Variants in CSTPP1 observed in about 807,000 individuals in gnomAD.
CSTPP1 encodes the protein centriolar satellite-associated tubulin polyglutamylase complex regulator 1, also known as UPF0705 protein C11orf49.
At chr11:47,150,771 G>C in the CSTPP1 span, among the ~76,000 whole-genome samples, 1 of 151,826 alleles carries the variant, frequency 6.6e-6, no homozygotes, top group Admixed American at 6.6e-5. Context: ...AAGGACTAGT[G>C]TGGCCAGAAT....
the CSTPP1 span, chr11:46,991,601 C>T: frequency 6.6e-6 from 1 of 152,176 alleles, no homozygotes; most frequent in Non-Finnish European, 1.5e-5. Context: ...TAATCTGTAC[C>T]AGCACTCTTG....
the CSTPP1 span, among the ~76,000 whole-genome samples, chr11:46,962,592 C>T: frequency 6.6e-6 from 1 of 152,084 alleles, no homozygotes; most frequent in African/African-American, 2.4e-5. Context: ...ATTATTTAGG[C>T]CTTTAATTTC....
chr11:47,053,839 G>A, the CSTPP1 span, among the ~76,000 whole-genome samples: 3 of 152,152 alleles, frequency 2.0e-5, no homozygotes, highest in South Asian at 6.2e-4. Flanking sequence ...AGCTACTTGG[G>A]AGGCTGAGGT....
the CSTPP1 span, among the ~76,000 whole-genome samples, chr11:47,034,040 G>A: frequency 1.6e-4 from 25 of 151,988 alleles, no homozygotes; most frequent in African/African-American, 4.6e-4. Context: ...CATGGCACAT[G>A]TATAGATATG....
At chr11:47,041,654 A>G in the CSTPP1 span, 4 of 436,178 alleles carry the variant, frequency 9.2e-6, 2 homozygotes, top group Non-Finnish European at 1.9e-5. Flanking sequence ...TTCTCAAAGA[A>G]CTCACTGGGC....
chr11:47,027,736 A>G, the CSTPP1 span, among the ~76,000 whole-genome samples: 2 of 152,156 alleles, frequency 1.3e-5, no homozygotes, highest in African/African-American at 2.4e-5. Flanking sequence ...GTTCTCACAG[A>G]TGGGTTCACC....
At chr11:47,135,998 A>AT in the CSTPP1 span, among the ~76,000 whole-genome samples, 1 of 143,726 alleles carries the variant, frequency 7.0e-6, no homozygotes, top group Non-Finnish European at 1.5e-5. Flanking sequence ...TCTCTCTCTC[A>AT]TTTTTTCATT....
the CSTPP1 span, among the ~76,000 whole-genome samples, chr11:47,152,087 T>C: frequency 6.6e-6 from 1 of 151,894 alleles, no homozygotes. Flanking sequence ...CTGTCTCTAC[T>C]AAAAATACAA....
chr11:47,031,567 G>A, the CSTPP1 span, among the ~76,000 whole-genome samples: 14 of 152,020 alleles, frequency 9.2e-5, no homozygotes, highest in East Asian at 1.9e-4. Flanking sequence ...GCATGGTAGC[G>A]CATGTCTGAG....
chr11:47,110,354 C>A, the CSTPP1 span, among the ~76,000 whole-genome samples: 3 of 152,074 alleles, frequency 2.0e-5, no homozygotes, highest in Non-Finnish European at 2.9e-5. Context: ...AAGCAAATAT[C>A]CATGGTTACT....
chr11:47,082,591 G>A, the CSTPP1 span, among the ~76,000 whole-genome samples: 7 of 152,118 alleles, frequency 4.6e-5, no homozygotes, highest in Non-Finnish European at 7.3e-5. Context: ...CCTATTTAAA[G>A]TGTACAATTC....
chr11:47,086,639 TCTTTTA>T, the CSTPP1 span, among the ~76,000 whole-genome samples: 1 of 152,188 alleles, frequency 6.6e-6, no homozygotes, highest in African/African-American at 2.4e-5. Flanking sequence ...CAACCCTGGC[TCTTTTA>T]CTTCTTAGTA....
At chr11:46,985,571 G>T in the CSTPP1 span, among the ~76,000 whole-genome samples, 1 of 152,132 alleles carries the variant, frequency 6.6e-6, no homozygotes, top group Non-Finnish European at 1.5e-5. Context: ...TGTAAAGTTT[G>T]TCAGGAAACC....
At chr11:46,942,986 G>T in the CSTPP1 span, among the ~76,000 whole-genome samples, 1 of 152,158 alleles carries the variant, frequency 6.6e-6, no homozygotes, top group Non-Finnish European at 1.5e-5. Context: ...CCTTATTAAG[G>T]ATGAGGCTCT....
chr11:46,998,941 C>T, the CSTPP1 span, among the ~76,000 whole-genome samples: 2 of 151,968 alleles, frequency 1.3e-5, no homozygotes, highest in Admixed American at 6.6e-5. Flanking sequence ...GGGGCTTCAC[C>T]GTGTTAGCCA....
At chr11:47,063,046 T>C in the CSTPP1 span, among the ~76,000 whole-genome samples, 1 of 152,200 alleles carries the variant, frequency 6.6e-6, no homozygotes, top group Non-Finnish European at 1.5e-5. Context: ...TGCTAGAGCT[T>C]CTTGGTCCAT....
At chr11:47,061,166 A>C in the CSTPP1 span, among the ~76,000 whole-genome samples, 19 of 152,096 alleles carry the variant, frequency 1.2e-4, no homozygotes, top group African/African-American at 4.3e-4. Context: ...TTCATTCGAC[A>C]AACATTTATG....
chr11:46,954,181 A>G, the CSTPP1 span, among the ~76,000 whole-genome samples: 30 of 152,240 alleles, frequency 2.0e-4, no homozygotes, highest in Admixed American at 4.6e-4. Flanking sequence ...CAAAAGCATT[A>G]CAAAATAATA....
the CSTPP1 span, chr11:46,987,934 A>G: frequency 6.6e-6 from 1 of 152,338 alleles, no homozygotes; most frequent in Non-Finnish European, 1.5e-5. Context: ...AACAAGACAT[A>G]CAAATGGCAA....
Sources: gnomAD v4.1 joint callset for allele counts (sites outside exome capture counted in the v4.1 genomes callset) on GRCh38, gnomAD v4.1.1 for gene constraint, MANE v1.5 for transcripts, NCBI Gene and HGNC (gene_info 2026-07-23, HGNC 2026-07-21) for gene names.